OSBPL9: variants seen among roughly 807,000 people sequenced by gnomAD.
OSBPL9 encodes oxysterol-binding protein-related protein 9.
In OSBPL9, 40 loss-of-function variants were observed where a neutral mutation model predicts 106.6. That is an observed-to-expected ratio of 0.38 (90% CI 0.29 to 0.49). The LOEUF is 0.49. OSBPL9 is among the 20% of genes least tolerant of loss of function. The pLI is 0.97. For missense variants in OSBPL9, 609 were observed against 887.2 expected (o/e 0.69, Z 3.98); for synonymous variants, 269 against 295.4 (o/e 0.91, Z 0.92).
At chr1:51,532,815 T>G in the OSBPL9 span, among the ~76,000 whole-genome samples, 2 of 151,970 alleles carry the variant, frequency 1.3e-5, no homozygotes, top group Non-Finnish European at 1.5e-5. Flanking sequence ...ACAAGATAGT[T>G]GAGGAATGGT....
At chr1:51,762,118 T>C in intron 11 of OSBPL9, 147 bp downstream of exon 11, 3 of 571,094 alleles carry the variant, frequency 5.3e-6, no homozygotes, top group Non-Finnish European at 9.5e-6. Flanking sequence ...TATAGTTCCA[T>C]ACATGAAGTG....
At chr1:51,555,084 G>C in the OSBPL9 span, among the ~76,000 whole-genome samples, 3 of 152,204 alleles carry the variant, frequency 2.0e-5, no homozygotes, top group Non-Finnish European at 4.4e-5. Context: ...CACTATTTTA[G>C]AAGGTTGTGA....
chr1:51,776,714 G>A, intron 14 of OSBPL9, 119 bp from the exon 15 acceptor site: 1 of 674,374 alleles, frequency 1.5e-6, no homozygotes, highest in East Asian at 2.7e-5. Flanking sequence ...GCAATATGTG[G>A]TGGATGTTAC....
At chr1:51,666,948 G>T (rs1437003954) in intron 2 of OSBPL9, among the ~76,000 whole-genome samples, 1 of 152,206 alleles carries the variant, frequency 6.6e-6, no homozygotes, top group Non-Finnish European at 1.5e-5. Context: ...CTGAAGGCAG[G>T]CAGATTGTTA....
chr1:51,626,156 A>G (rs1307125188), intron 1 of OSBPL9, among the ~76,000 whole-genome samples: 1 of 152,174 alleles, frequency 6.6e-6, no homozygotes, highest in East Asian at 1.9e-4. Context: ...TCTTTCCTCC[A>G]TCACTCATAG....
At chr1:51,594,003 G>A (rs945581463) in intron 1 of OSBPL9, among the ~76,000 whole-genome samples, 2 of 151,692 alleles carry the variant, frequency 1.3e-5, no homozygotes, top group Non-Finnish European at 2.9e-5. Context: ...CCTTAGGTAA[G>A]TAAGCCCTTC....
At chr1:51,648,374 A>G (rs1169783116) in intron 1 of OSBPL9, among the ~76,000 whole-genome samples, 1 of 152,210 alleles carries the variant, frequency 6.6e-6, no homozygotes, top group Non-Finnish European at 1.5e-5. Flanking sequence ...TTCTTCGCAT[A>G]GAAGGCACAG....
chr1:51,717,419 A>G (rs960189990), intron 4 of OSBPL9, among the ~76,000 whole-genome samples: 3 of 152,014 alleles, frequency 2.0e-5, no homozygotes, highest in African/African-American at 7.3e-5. Flanking sequence ...TTCCTCTATC[A>G]CTTTACTTCT....
At chr1:51,726,322 A>AT (rs973582575) in intron 4 of OSBPL9, among the ~76,000 whole-genome samples, 73 of 152,330 alleles carry the variant, frequency 4.8e-4, no homozygotes, top group African/African-American at 1.5e-3. Flanking sequence ...AGTGTTTTAC[A>AT]TGTTGTTAGA....
intron 4 of OSBPL9, chr1:51,745,283 G>A: frequency 2.5e-6 from 1 of 394,230 alleles, no homozygotes; most frequent in Non-Finnish European, 4.4e-6. Context: ...TGATTCTGGA[G>A]AGAAGAGTAA....
chr1:51,531,707 G>A, the OSBPL9 span, among the ~76,000 whole-genome samples: 12 of 151,990 alleles, frequency 7.9e-5, no homozygotes, highest in Non-Finnish European at 1.8e-4. Flanking sequence ...ATAAGAGTCT[G>A]GAGTTCAGGG....
intron 3 of OSBPL9, among the ~76,000 whole-genome samples, chr1:51,711,339 A>AC (rs1306936856): frequency 0.013 from 1,853 of 141,124 alleles, 35 homozygotes; most frequent in African/African-American, 0.046. Context: ...CAGGGGGCTG[A>AC]CCCCCCCACC....
chr1:51,687,100 A>G (rs1653975783), intron 3 of OSBPL9, among the ~76,000 whole-genome samples: 1 of 152,220 alleles, frequency 6.6e-6, no homozygotes, highest in Non-Finnish European at 1.5e-5. Flanking sequence ...TTTACTTGTG[A>G]TAATGCTGCT....
At chr1:51,768,269 G>T (rs1673072507) in intron 12 of OSBPL9, among the ~76,000 whole-genome samples, 1 of 148,388 alleles carries the variant, frequency 6.7e-6, no homozygotes. Flanking sequence ...TGCTCTTGTT[G>T]CCCAGGCTGG....
At chr1:51,525,297 A>G in the OSBPL9 span, among the ~76,000 whole-genome samples, 3 of 152,242 alleles carry the variant, frequency 2.0e-5, no homozygotes. Flanking sequence ...GGGGAAAGTT[A>G]AATTATGTAA....
At chr1:51,673,920 G>GT (rs1307834997) in intron 3 of OSBPL9, among the ~76,000 whole-genome samples, 28 of 151,398 alleles carry the variant, frequency 1.8e-4, no homozygotes, top group Admixed American at 1.1e-3. Flanking sequence ...GTAGGAACTG[G>GT]TAATTGCTCA....
chr1:51,757,882 C>T (rs1348016429), intron 9 of OSBPL9, among the ~76,000 whole-genome samples: 1 of 152,014 alleles, frequency 6.6e-6, no homozygotes, highest in Non-Finnish European at 1.5e-5. Context: ...ACAGAACAAG[C>T]GCATAGTATT....
At chr1:51,703,270 A>T (rs1020047472) in intron 3 of OSBPL9, among the ~76,000 whole-genome samples, 1 of 152,210 alleles carries the variant, frequency 6.6e-6, no homozygotes, top group Non-Finnish European at 1.5e-5. Flanking sequence ...CTTCCTACCC[A>T]TGAGCATGGA....
intron 14 of OSBPL9, among the ~76,000 whole-genome samples, chr1:51,776,112 A>T (rs1209327515): frequency 6.6e-6 from 1 of 151,736 alleles, no homozygotes; most frequent in African/African-American, 2.4e-5. Flanking sequence ...CATCTTTCTC[A>T]TGTCTTCCCG....
Sources: gnomAD v4.1 joint callset for allele counts (sites outside exome capture counted in the v4.1 genomes callset) on GRCh38, gnomAD v4.1.1 for gene constraint, MANE v1.5 for transcripts, NCBI Gene and HGNC (gene_info 2026-07-23, HGNC 2026-07-21) for gene names.